The following DENND6B variants were observed in gnomAD, a reference collection of about 807,000 sequenced individuals.
DENND6B encodes the protein protein DENND6B.
DENND6B carries 73 observed loss-of-function variants against 85.1 expected under a neutral mutation model. The ratio of observed to expected loss-of-function variants is 0.86; its 90% CI spans 0.71 to 1.04. The LOEUF (loss-of-function observed/expected upper bound fraction) is 1.04. DENND6B is among the 50% of genes least tolerant of loss of function. The pLI, the probability that DENND6B is intolerant of heterozygous loss-of-function variation, is 0.00. For synonymous variants in DENND6B, 357 were observed against 329.3 expected (o/e 1.08, Z -0.91); for missense variants, 715 against 785.8 (o/e 0.91, Z 1.08).
intron 1 of DENND6B, among the ~76,000 whole-genome samples, chr22:50,324,738 C>G (rs117747654): frequency 0.019 from 2,914 of 152,290 alleles, 58 homozygotes; most frequent in East Asian, 0.096. Context: ...AAGTGATTTA[C>G]TGAATGAGTA....
At position 50,309,078 on chromosome 22, in the gene DENND6B, G is replaced by A. The variant is rs62241220; in HGVS notation, c.*3061C>T. 67,889 of 152,092 alleles carry A rather than the reference G, an allele frequency of 0.45. 15,261 individuals carry two copies. Among genetic ancestry groups the A allele is most frequent in the South Asian group, 0.59 (2,825 of 4,820 alleles). The allele number at this position is 152,092 out of a possible 1,614,324, so 9.4% of individuals were successfully genotyped here. ...ATACCAAAACTGTGGGAAGGCCACT[G>A]TTCTAGACTAAAAGGGAGTCTTTAA... On this transcript the variant is annotated 3_prime_UTR_variant, in exon 20 of 20. Transcript: ENST00000413817.
intron 1 of DENND6B, among the ~76,000 whole-genome samples, chr22:50,321,041 T>C (rs1308399412): frequency 6.6e-6 from 1 of 152,214 alleles, no homozygotes; most frequent in Non-Finnish European, 1.5e-5. Flanking sequence ...CAGGTCAGGC[T>C]GTGCCCTGCT....
chr22:50,323,298 T>C (rs1308039222), intron 1 of DENND6B, among the ~76,000 whole-genome samples: 1 of 130,402 alleles, frequency 7.7e-6, no homozygotes, highest in Non-Finnish European at 1.7e-5. Context: ...TTTTTTTTTT[T>C]CCTTTTTGAG....
At chr22:50,314,729 G>C in intron 10 of DENND6B, 29 bp from the exon 11 acceptor site, 1 of 1,570,394 alleles carries the variant, frequency 6.4e-7, no homozygotes, top group Non-Finnish European at 8.6e-7. Context: ...GGGAGCAGGT[G>C]AGGCAGGGGC....
chr22:50,314,319 C>A (rs1026322662), intron 12 of DENND6B, 47 bp from the exon 13 acceptor site: 2 of 1,597,344 alleles, frequency 1.3e-6, no homozygotes, highest in Non-Finnish European at 8.5e-7. Context: ...GCAGCTCTGG[C>A]CATCCCCACG....
chr22:50,318,196 A>G (rs2041918078), intron 3 of DENND6B, among the ~76,000 whole-genome samples, 176 bp from the exon 4 acceptor site: 1 of 152,188 alleles, frequency 6.6e-6, no homozygotes, highest in Admixed American at 6.5e-5. Flanking sequence ...TACAAAAATT[A>G]GCCAGGCATG....
Position 50,314,608 on chromosome 22 carries a change from G to C in DENND6B, c.974C>G (p.Ala325Gly), listed in dbSNP as rs1198824796. Residue 325 changes from alanine to glycine, a missense_variant, in exon 11 of 20, where the codon GCC becomes GGC. By Grantham distance (60) the Ala-to-Gly change is moderately conservative. Transcript: ENST00000413817. The stretch of plus-strand genomic sequence containing the variant: ...GCGGGGCAGAGGCGGCACTTACGGG[G>C]CCTGCGTGCGTGTGGTGAACTCCTT... ...EFKEFTTRTQ[A>G]PPNVVLGVTN... The C allele has an allele frequency of 2.6e-6, 4 of 1,561,108 alleles. No individual in the cohort carries two copies. The highest frequency in any genetic ancestry group is 3.9e-5 in the Admixed American group (2 of 51,732).
chr22:50,326,845 G>A lies in DENND6B; in HGVS notation c.144C>T (p.Val48=). ...CCTGGCCCAGCTCCAGGTCGAAGGT[G>A]ACCACGCACACACACTCCAGCCAGG... ...FSAWLECVCV[V]TFDLELGQAL... is the part of the protein sequence containing the mutation. The change falls in exon 1 of 20, where the codon GTC becomes GTT. Residue 48 remains valine, a synonymous_variant. Transcript: ENST00000413817. The A allele has an allele frequency of 6.9e-7, 1 of 1,443,362 alleles. No homozygotes were observed. Among genetic ancestry groups the A allele is most frequent in the Non-Finnish European group, 9.1e-7 (1 of 1,103,880 alleles). 89.4% of individuals were successfully genotyped at this position (1,443,362 alleles called of 1,614,324 possible). A position where few individuals can be genotyped will look rare whatever the true frequency, so the allele number is the denominator to read the frequency against.
chr22:50,326,361 G>A (rs1218367351), intron 1 of DENND6B, among the ~76,000 whole-genome samples: 1 of 152,222 alleles, frequency 6.6e-6, no homozygotes, highest in African/African-American at 2.4e-5. Flanking sequence ...CTGGGGTGGG[G>A]ATGACATCAG....
intron 1 of DENND6B, among the ~76,000 whole-genome samples, chr22:50,321,623 A>G (rs2042047543): frequency 6.6e-6 from 1 of 151,858 alleles, no homozygotes; most frequent in African/African-American, 2.4e-5. Context: ...TGGCCTCCCA[A>G]AGTGCTAGGA....
chr22:50,315,871 A>C (rs2041795648), intron 8 of DENND6B, 102 bp from the exon 9 acceptor site: 1 of 1,483,288 alleles, frequency 6.7e-7, no homozygotes, highest in South Asian at 1.3e-5. Flanking sequence ...GAGAGCACCC[A>C]GCCCTACACC....
In DENND6B at chr22:50,311,266, C is replaced by A. The variant is rs1271667646; in HGVS notation, c.*873G>T. On this transcript the variant is annotated 3_prime_UTR_variant, in exon 20 of 20. Transcript: ENST00000413817. ...AGGTGTCACGGGGGGAGCATACAAC[C>A]CAGAGGTGGCTCTTAGGGACGTTCA... is the stretch of plus-strand genomic sequence containing the variant. The A allele has an allele frequency of 1.3e-5, 2 of 152,260 alleles. No homozygotes were observed. The highest frequency in any genetic ancestry group is 2.4e-5 in the African/African-American group (1 of 41,440). The allele number at this position is 152,260 out of a possible 1,614,324, so 9.4% of individuals were successfully genotyped here.
Position 50,317,921 on chromosome 22 carries a change from G to A in DENND6B, c.359C>T (p.Pro120Leu). The change falls in exon 4 of 20, where the codon CCT becomes CTT. Residue 120 changes from proline to leucine, a missense_variant. Transcript: ENST00000413817. ...ADDRHYNSRA[P>L]VALQREPAHY... ...CCCAGTGCTCACCTGCAGTGCCACA[G>A]GGGCCCTGCTGTTGTAGTGCCTGTC... 6.2e-7 allele frequency: 1 copy of A among 1,608,660 alleles called. No individual in the cohort carries two copies. Among genetic ancestry groups the A allele is most frequent in the South Asian group, 1.1e-5 (1 of 90,978 alleles).
intron 9 of DENND6B, among the ~76,000 whole-genome samples, chr22:50,315,264 C>T (rs1313567889): frequency 4.6e-5 from 7 of 152,138 alleles, no homozygotes; most frequent in African/African-American, 1.7e-4. Context: ...CTGTGCCCAT[C>T]CCAAGTGCAG....
chr22:50,313,540 C>A, intron 15 of DENND6B, 41 bp from the exon 16 acceptor site: 1 of 1,509,560 alleles, frequency 6.6e-7, no homozygotes. Flanking sequence ...GGGACCCATG[C>A]CCCCCAGCCC....
At position 50,313,449 on chromosome 22, in the gene DENND6B, C is replaced by T. The variant is rs1323735463; in HGVS notation, c.1344G>A (p.Trp448Ter). ...LMPLQKSITP[W>*]KTPPQIQPFS... Reference sequence around the variant, plus strand: ...AAAACCCCCACAGGACCCCCACCTTCCAGGGCGTGATGCTCTTCTGCAGGG... The same window carrying T: ...AAAACCCCCACAGGACCCCCACCTTTCAGGGCGTGATGCTCTTCTGCAGGG... Residue 448 changes from tryptophan to a stop codon, truncating the protein, a stop_gained, in exon 16 of 20, where the codon TGG (tryptophan) becomes TGA (stop). Transcript: ENST00000413817. LOFTEE classifies it high-confidence loss of function. 1 of 1,539,028 alleles carries T rather than the reference C, an allele frequency of 6.5e-7. No individual in the cohort carries two copies. The highest frequency in any genetic ancestry group is 1.2e-5 in the South Asian group (1 of 80,058).
Position 50,314,359 on chromosome 22 carries a change from G to GCTTCTGAGCAGCAC in DENND6B, c.1072+27_1072+40dup, listed in dbSNP as rs757651668. 2.5e-6 allele frequency: 4 copies of GCTTCTGAGCAGCAC among 1,572,330 alleles called. No homozygotes were observed. The African/African-American group carries it at 5.4e-5, about 21-fold the overall frequency. ...CTGAGGCGGCCCCACACTCAACGAG[G>GCTTCTGAGCAGCAC]CTTCTGAGCAGCACCCCCTGCACCT... is the stretch of plus-strand genomic sequence containing the variant. On this transcript the variant is annotated intron_variant, in intron 12 of 19. Transcript: ENST00000413817.
intron 5 of DENND6B, 21 bp downstream of exon 5, chr22:50,317,272 C>A (rs1459462125): frequency 6.2e-7 from 1 of 1,611,932 alleles, no homozygotes; most frequent in Non-Finnish European, 8.5e-7. Flanking sequence ...GGTGCCAGCC[C>A]AGAGTGGCCA....
At chr22:50,315,571 TAC>T (rs983628389) in intron 9 of DENND6B, 141 bp downstream of exon 9, 852 of 987,464 alleles carry the variant, frequency 8.6e-4, no homozygotes, top group Non-Finnish European at 1.0e-3. Flanking sequence ...GCGCTGGCCA[TAC>T]ACACACACAC....
Sources: gnomAD v4.1 joint callset for allele counts (sites outside exome capture counted in the v4.1 genomes callset) on GRCh38, gnomAD v4.1.1 for gene constraint, MANE v1.5 for transcripts, NCBI Gene and HGNC (gene_info 2026-07-23, HGNC 2026-07-21) for gene names.